Variants in VKORC1L1 observed in about 807,000 individuals in gnomAD.
VKORC1L1 encodes the protein vitamin K epoxide reductase complex subunit 1-like protein 1.
A neutral mutation model predicts 18.9 loss-of-function variants in VKORC1L1; 2 were observed. The ratio of observed to expected loss-of-function variants is 0.11; its 90% CI spans 0.04 to 0.33. The LOEUF is 0.33. VKORC1L1 is among the 10% of genes least tolerant of loss of function. The pLI, the probability that VKORC1L1 is intolerant of heterozygous loss-of-function variation, is 1.00. For synonymous variants in VKORC1L1, 96 were observed against 100.0 expected (o/e 0.96, Z 0.24); for missense variants, 123 against 224.1 (o/e 0.55, Z 2.88).
chr7:65,925,498 T>G (rs62470897), intron 1 of VKORC1L1, among the ~76,000 whole-genome samples: 5,729 of 152,304 alleles, frequency 0.038, 168 homozygotes, highest in East Asian at 0.097. Context: ...TTTGAGTCCA[T>G]AGGTACTTGG....
intron 1 of VKORC1L1, among the ~76,000 whole-genome samples, chr7:65,878,323 T>A (rs1232777070): frequency 1.3e-5 from 2 of 152,052 alleles, no homozygotes; most frequent in Admixed American, 1.3e-4. Context: ...GGTGGGCACC[T>A]GTAATTCCAG....
intron 1 of VKORC1L1, among the ~76,000 whole-genome samples, chr7:65,908,037 A>G (rs1789434880): frequency 1.3e-5 from 2 of 152,192 alleles, no homozygotes; most frequent in South Asian, 2.1e-4. Flanking sequence ...CACAGAGGCC[A>G]CAACTGCTCT....
At chr7:65,876,282 A>G (rs1788825700) in intron 1 of VKORC1L1, among the ~76,000 whole-genome samples, 1 of 152,152 alleles carries the variant, frequency 6.6e-6, no homozygotes, top group Non-Finnish European at 1.5e-5. Context: ...TCATTTAGCT[A>G]TATGGAAAAG....
intron 1 of VKORC1L1, among the ~76,000 whole-genome samples, chr7:65,943,048 G>A (rs1205634126): frequency 2.0e-5 from 3 of 152,116 alleles, no homozygotes; most frequent in African/African-American, 7.2e-5. Context: ...AGGGGGATAG[G>A]GAAATGAAAG....
At chr7:65,868,557 A>G (rs529348607), upstream of VKORC1L1, among the ~76,000 whole-genome samples, 2 of 152,384 alleles carry the variant, frequency 1.3e-5, no homozygotes, top group Non-Finnish European at 2.9e-5. Context: ...AGTAGCAAAG[A>G]TATGGAATCA....
chr7:65,875,077 C>T (rs1788803554), intron 1 of VKORC1L1, among the ~76,000 whole-genome samples: 1 of 152,068 alleles, frequency 6.6e-6, no homozygotes, highest in Non-Finnish European at 1.5e-5. Flanking sequence ...AATAGTTTAA[C>T]TTAGATGCTT....
chr7:65,897,005 CATAA>C (rs928028119), intron 1 of VKORC1L1, among the ~76,000 whole-genome samples: 23 of 152,052 alleles, frequency 1.5e-4, no homozygotes, highest in African/African-American at 5.3e-4. Flanking sequence ...CTCCTCATCT[CATAA>C]ATAAATAAAT....
Position 65,957,927 on chromosome 7 carries a change from A to G in VKORC1L1, c.*3627A>G, listed in dbSNP as rs1790326821. On this transcript the variant is annotated 3_prime_UTR_variant, in exon 3 of 3. Transcript: ENST00000360768. ...CAAAAGTACAGAGTTATCTTCAGCA[A>G]TTACTTCACAACTTAGATTGGTACC... is the stretch of plus-strand genomic sequence containing the variant. The G allele has an allele frequency of 6.6e-6, 1 of 152,238 alleles. No homozygotes were observed. The highest frequency in any genetic ancestry group is 6.5e-5 in the Admixed American group (1 of 15,282). 9.4% of individuals were successfully genotyped at this position (152,238 alleles called of 1,614,324 possible).
At chr7:65,930,033 G>A (rs1056576616) in intron 1 of VKORC1L1, among the ~76,000 whole-genome samples, 1 of 152,020 alleles carries the variant, frequency 6.6e-6, no homozygotes, top group Non-Finnish European at 1.5e-5. Context: ...TTGTCTGTGT[G>A]TGCTATTATA....
Position 65,873,553 on chromosome 7 carries a change from C to T in VKORC1L1, c.182C>T (p.Ala61Val), listed in dbSNP as rs752908030. ...DLGPWVKCSAALASRWGRGFG... is the reference protein window; with the variant it reads ...DLGPWVKCSAVLASRWGRGFG... ...GGGCCCTGGGTGAAGTGCTCCGCCG[C>T]CCTTGCCTCCAGGTAGCCGGCTTGG... The change falls in exon 1 of 3, where the codon GCC (alanine) becomes GTC (valine). Residue 61 changes from alanine (A) to valine (V), a missense_variant. By Grantham distance (64) the Ala-to-Val change is moderately conservative. Transcript: ENST00000360768. The T allele has an allele frequency of 1.3e-6, 2 of 1,555,510 alleles. No homozygotes were observed. Among genetic ancestry groups the T allele is most frequent in the East Asian group, 2.4e-5 (1 of 41,224 alleles).
chr7:65,940,289 A>G (rs1459858157), intron 1 of VKORC1L1, among the ~76,000 whole-genome samples: 1 of 152,222 alleles, frequency 6.6e-6, no homozygotes, highest in Admixed American at 6.5e-5. Flanking sequence ...AAGTTCTGCA[A>G]TAACAGGCAT....
intron 1 of VKORC1L1, among the ~76,000 whole-genome samples, chr7:65,878,616 A>C (rs1788870721): frequency 6.6e-6 from 1 of 151,882 alleles, no homozygotes; most frequent in South Asian, 2.1e-4. Flanking sequence ...TTAAAAATTA[A>C]ATTCTTGGCT....
intron 1 of VKORC1L1, among the ~76,000 whole-genome samples, chr7:65,928,648 G>A (rs1789806598): frequency 6.6e-6 from 1 of 152,176 alleles, no homozygotes; most frequent in Admixed American, 6.5e-5. Flanking sequence ...CCCATTGAAG[G>A]ACAATTGTGT....
intron 1 of VKORC1L1, among the ~76,000 whole-genome samples, chr7:65,880,612 A>G (rs531691942): frequency 1.1e-3 from 162 of 152,242 alleles, no homozygotes; most frequent in African/African-American, 3.7e-3. Context: ...AGACAGGAGA[A>G]TTGGACCTGA....
At chr7:65,892,129 C>T (rs1422580360) in intron 1 of VKORC1L1, among the ~76,000 whole-genome samples, 1 of 152,172 alleles carries the variant, frequency 6.6e-6, no homozygotes, top group African/African-American at 2.4e-5. Flanking sequence ...CATTCATTCT[C>T]ATGGCTGAAC....
intron 1 of VKORC1L1, among the ~76,000 whole-genome samples, chr7:65,926,406 A>G (rs1789766243): frequency 6.6e-6 from 1 of 152,144 alleles, no homozygotes; most frequent in East Asian, 1.9e-4. Flanking sequence ...TGCCCGCCTC[A>G]GCCTCCCAAA....
At chr7:65,941,687 T>G (rs1434088941) in intron 1 of VKORC1L1, among the ~76,000 whole-genome samples, 1 of 144,312 alleles carries the variant, frequency 6.9e-6, no homozygotes, top group Non-Finnish European at 1.5e-5. Flanking sequence ...TTTTTTTTTT[T>G]TTTTTTTTTT....
At chr7:65,898,339 C>T (rs1430261235) in intron 1 of VKORC1L1, among the ~76,000 whole-genome samples, 6 of 151,976 alleles carry the variant, frequency 3.9e-5, no homozygotes, top group Admixed American at 2.6e-4. Context: ...CCACCTCGGC[C>T]TCCCAAAGTG....
At chr7:65,946,513 T>A (rs1182563794) in intron 1 of VKORC1L1, among the ~76,000 whole-genome samples, 1 of 152,094 alleles carries the variant, frequency 6.6e-6, no homozygotes, top group Non-Finnish European at 1.5e-5. Context: ...ACAGACCCAC[T>A]GAAGGAACAG....
Sources: allele counts gnomAD v4.1 joint callset (sites outside exome capture counted in the v4.1 genomes callset), GRCh38; gene constraint gnomAD v4.1.1; transcripts MANE v1.5; gene names NCBI Gene and HGNC (gene_info 2026-07-23, HGNC 2026-07-21).